The following SLC5A11 variants were observed in gnomAD, a reference collection of about 807,000 sequenced individuals.
The protein encoded by SLC5A11 is sodium/myo-inositol cotransporter 2.
A neutral mutation model predicts 69.8 loss-of-function variants in SLC5A11; 48 were observed. The observed-to-expected ratio is 0.69, with a 90% CI of 0.55 to 0.87. The LOEUF (loss-of-function observed/expected upper bound fraction) is 0.87, where lower values mean the gene tolerates loss of function less well. SLC5A11 is among the 40% of genes least tolerant of loss of function. The pLI, the probability that SLC5A11 is intolerant of heterozygous loss-of-function variation, is 0.00. For synonymous variants in SLC5A11, 319 were observed against 342.4 expected, an observed-to-expected ratio of 0.93 and a Z score of 0.75; for missense variants, 784 against 866.1, an observed-to-expected ratio of 0.91 and a Z score of 1.19.
At chr16:24,846,933 C>T (rs886229062) in intron 1 of SLC5A11, among the ~76,000 whole-genome samples, 10 of 152,312 alleles carry the variant, frequency 6.6e-5, no homozygotes, top group Admixed American at 2.0e-4. Context: ...GAACTTTACG[C>T]CTGGATCTCA....
intron 10 of SLC5A11, among the ~76,000 whole-genome samples, chr16:24,899,695 G>A (rs780517460): frequency 6.6e-6 from 1 of 151,492 alleles, no homozygotes; most frequent in Non-Finnish European, 1.5e-5. Flanking sequence ...AGCCACCACA[G>A]CTGGCCTGCG....
At chr16:24,898,349 C>T (rs918039042) in intron 10 of SLC5A11, among the ~76,000 whole-genome samples, 34 of 152,148 alleles carry the variant, frequency 2.2e-4, no homozygotes, top group African/African-American at 7.9e-4. Flanking sequence ...GTAGCTGGGG[C>T]TACAGGTATG....
At chr16:24,898,667 C>T (rs274091) in intron 10 of SLC5A11, among the ~76,000 whole-genome samples, 96,935 of 151,884 alleles carry the variant, frequency 0.64, 32,682 homozygotes, top group East Asian at 0.75. Context: ...TACAGGTGCC[C>T]GTCACCATGC....
At chr16:24,872,128 G>A (rs370584644) in intron 4 of SLC5A11, 32 bp from the exon 6 acceptor site, 2 of 1,613,890 alleles carry the variant, frequency 1.2e-6, no homozygotes, top group African/African-American at 2.7e-5. Context: ...TGTGAGCTGG[G>A]GGCCAAGTCC....
At chr16:24,860,746 C>T (rs1488576481) in intron 2 of SLC5A11, among the ~76,000 whole-genome samples, 1 of 151,936 alleles carries the variant, frequency 6.6e-6, no homozygotes, top group East Asian at 1.9e-4. Flanking sequence ...CTTGCTGTCG[C>T]TCAGCCTGGA....
intron 7 of SLC5A11, among the ~76,000 whole-genome samples, chr16:24,882,587 G>A (rs1232805493): frequency 6.6e-6 from 1 of 152,210 alleles, no homozygotes; most frequent in Non-Finnish European, 1.5e-5. Flanking sequence ...AGACTGGAAA[G>A]ATTGCTCTTT....
At chr16:24,849,583 A>ATAT (rs2059178631) in intron 1 of SLC5A11, among the ~76,000 whole-genome samples, 2 of 87,328 alleles carry the variant, frequency 2.3e-5, no homozygotes, top group African/African-American at 3.9e-5. Context: ...AAAAAAAAAA[A>ATAT]AAAAAAAAAA....
chr16:24,908,137 T>C lies in SLC5A11; in HGVS notation c.1434+6T>C. 1.3e-6 allele frequency: 2 copies of C among 1,571,974 alleles called. No homozygotes were observed. Among genetic ancestry groups the C allele is most frequent in the Non-Finnish European group, 1.7e-6 (2 of 1,160,364 alleles). ...GGAAGAGGACCAATGAAAAGGTAGCTCTGGATGGCTCCCACTATGCCAGAA... is the reference window on the plus strand; with the variant it reads ...GGAAGAGGACCAATGAAAAGGTAGCCCTGGATGGCTCCCACTATGCCAGAA... On this transcript the variant is annotated splice_donor_region_variant and intron_variant, in intron 13 of 15. Transcript: ENST00000347898.
chr16:24,878,491 A>ATG (rs2047833093), intron 7 of SLC5A11, among the ~76,000 whole-genome samples: 1 of 152,048 alleles, frequency 6.6e-6, no homozygotes, highest in Non-Finnish European at 1.5e-5. Context: ...TTCCATATAT[A>ATG]TGTGTGTGTC....
chr16:24,848,533 C>G (rs1473591555), intron 1 of SLC5A11, among the ~76,000 whole-genome samples: 1 of 152,136 alleles, frequency 6.6e-6, no homozygotes, highest in Non-Finnish European at 1.5e-5. Flanking sequence ...ATCATTTGAG[C>G]CCATGGGGTT....
At chr16:24,905,648 A>G (rs867877042) in intron 10 of SLC5A11, among the ~76,000 whole-genome samples, 14,209 of 128,734 alleles carry the variant, frequency 0.11, 754 homozygotes, top group Middle Eastern at 0.21. Flanking sequence ...GCGCACACAC[A>G]CACACACACA....
intron 12 of SLC5A11, among the ~76,000 whole-genome samples, chr16:24,907,414 G>C (rs72770478): frequency 1.3e-5 from 2 of 152,118 alleles, no homozygotes; most frequent in Non-Finnish European, 2.9e-5. Flanking sequence ...AGGAGAATAA[G>C]CAAATAATTT....
intron 6 of SLC5A11, chr16:24,876,943 T>TGAGGAG (rs1181236016): frequency 3.0e-6 from 1 of 338,850 alleles, no homozygotes; most frequent in Non-Finnish European, 4.2e-6. Flanking sequence ...CTTAAGAGTT[T>TGAGGAG]GAGTGGGGAG....
intron 5 of SLC5A11, among the ~76,000 whole-genome samples, chr16:24,873,300 A>G (rs902619413): frequency 1.3e-5 from 2 of 150,126 alleles, no homozygotes; most frequent in African/African-American, 2.5e-5. Context: ...GAAGGAAGGA[A>G]GGAAATAAAT....
intron 14 of SLC5A11, 132 bp downstream of exon 15, chr16:24,909,228 C>A: frequency 2.2e-6 from 2 of 891,420 alleles, no homozygotes; most frequent in South Asian, 3.4e-5. Context: ...GGTTCAGGGG[C>A]AGGATGATTT....
chr16:24,863,392 G>A (rs1567588890), intron 3 of SLC5A11, among the ~76,000 whole-genome samples: 1 of 151,936 alleles, frequency 6.6e-6, no homozygotes, highest in Non-Finnish European at 1.5e-5. Context: ...AGGGTTTTGT[G>A]GTTTTTCTTG....
chr16:24,887,996 T>C (rs2152354066), intron 8 of SLC5A11, among the ~76,000 whole-genome samples: 1 of 152,204 alleles, frequency 6.6e-6, no homozygotes, highest in East Asian at 1.9e-4. Flanking sequence ...AAAACAGTAC[T>C]AAAATAGTTT....
At chr16:24,889,657 C>T (rs2048644617) in intron 8 of SLC5A11, among the ~76,000 whole-genome samples, 1 of 144,320 alleles carries the variant, frequency 6.9e-6, no homozygotes, top group Admixed American at 7.5e-5. Flanking sequence ...GAGACGTTCT[C>T]CTGCCTCAAC....
chr16:24,904,811 G>C (rs754829582), intron 10 of SLC5A11, among the ~76,000 whole-genome samples: 4 of 152,088 alleles, frequency 2.6e-5, no homozygotes, highest in Admixed American at 6.5e-5. Context: ...TGGGATACAT[G>C]TGCAGAACGT....
Sources: allele counts gnomAD v4.1 joint callset (sites outside exome capture counted in the v4.1 genomes callset), GRCh38; gene constraint gnomAD v4.1.1; transcripts MANE v1.5; gene names NCBI Gene and HGNC (gene_info 2026-07-23, HGNC 2026-07-21).